The following ERAP1 variants were observed in gnomAD, a reference collection of about 807,000 sequenced individuals.
ERAP1 encodes adipocyte-derived leucine aminopeptidase.
A neutral mutation model predicts 103.7 loss-of-function variants in ERAP1; 86 were observed. The ratio of observed to expected loss-of-function variants is 0.83; its 90% CI spans 0.70 to 0.99. The LOEUF (loss-of-function observed/expected upper bound fraction) is 0.99. Among genes scored for constraint, ERAP1 ranks in the 50% least tolerant of loss-of-function variants. The pLI is 0.00. For synonymous variants in ERAP1, 398 were observed against 402.4 expected, an observed-to-expected ratio of 0.99 and a Z score of 0.13; for missense variants, 1,009 against 1,128.4, an observed-to-expected ratio of 0.89 and a Z score of 1.52.
the ERAP1 span, chr5:96,917,532 C>T: frequency 4.3e-6 from 7 of 1,613,792 alleles, no homozygotes; most frequent in Admixed American, 5.0e-5. Flanking sequence ...GTTCTGGAAA[C>T]GATAACCAAA....
chr5:96,840,521 A>G, the ERAP1 span, among the ~76,000 whole-genome samples: 1 of 152,342 alleles, frequency 6.6e-6, no homozygotes, highest in East Asian at 1.9e-4. Context: ...GTTCTAACCT[A>G]GCAACAAATG....
In ERAP1 at chr5:96,800,883, T is replaced by C. The variant is rs771977316; in HGVS notation, c.642A>G (p.Leu214=). 1.3e-5 allele frequency: 21 copies of C among 1,614,190 alleles called. No individual in the cohort carries two copies. In the East Asian group the frequency reaches 4.7e-4, roughly 36 times the overall value. The change falls in exon 3 of 19, where the codon CTA becomes CTG. Residue 214 remains leucine, a synonymous_variant. Coordinates refer to ENST00000443439, the MANE Select transcript of ERAP1 (RefSeq NM_001040458.3). ...SIKIRREPRH[L]AISNMPLVKS... is the part of the protein sequence containing the mutation. ...TCACCAATGGCATATTGGAGATGGC[T>C]AGGTGCCTTGGCTCTCTTCTAATTT...
the ERAP1 span, chr5:96,814,290 AAGTCAC>A: frequency 2.2e-6 from 1 of 456,188 alleles, no homozygotes; most frequent in Non-Finnish European, 4.4e-6. Context: ...GGTTAGAAGC[AAGTCAC>A]AGGTTTCTCT....
At chr5:96,907,548 G>A in the ERAP1 span, among the ~76,000 whole-genome samples, 3 of 151,180 alleles carry the variant, frequency 2.0e-5, no homozygotes, top group Admixed American at 2.0e-4. Flanking sequence ...TCACACAGGT[G>A]GGAAGGAGTA....
the ERAP1 span, chr5:96,903,320 G>T: frequency 7.5e-7 from 1 of 1,325,074 alleles, no homozygotes; most frequent in Non-Finnish European, 1.0e-6. Context: ...CAGTTCTGGA[G>T]ATGTTCTGAA....
chr5:96,829,751 T>C, the ERAP1 span, among the ~76,000 whole-genome samples: 1 of 152,234 alleles, frequency 6.6e-6, no homozygotes, highest in African/African-American at 2.4e-5. Flanking sequence ...TTTGAGTATA[T>C]AATTTATGCT....
intron 4 of ERAP1, among the ~76,000 whole-genome samples, chr5:96,795,388 TG>T (rs1175485586): frequency 1.3e-5 from 2 of 152,226 alleles, no homozygotes; most frequent in African/African-American, 4.8e-5. Flanking sequence ...TGTTCTTAAA[TG>T]TGTTTATAAG....
At chr5:96,817,769 T>TC in the ERAP1 span, among the ~76,000 whole-genome samples, 1 of 152,180 alleles carries the variant, frequency 6.6e-6, no homozygotes, top group Non-Finnish European at 1.5e-5. Context: ...CCACAATCTT[T>TC]CCCCACAAAA....
chr5:96,886,861 T>G, the ERAP1 span: 1 of 1,251,496 alleles, frequency 8.0e-7, no homozygotes, highest in Non-Finnish European at 1.0e-6. Context: ...TGTTTTCTCA[T>G]GTTTTTCATT....
chr5:96,915,530 T>G, the ERAP1 span, among the ~76,000 whole-genome samples: 4 of 152,332 alleles, frequency 2.6e-5, no homozygotes, highest in East Asian at 7.7e-4. Flanking sequence ...GCTTTAGAAT[T>G]GTACTGGATG....
At chr5:96,787,817 C>CATATATATATGTATATATACACAT in intron 11 of ERAP1, among the ~76,000 whole-genome samples, 1 of 147,752 alleles carries the variant, frequency 6.8e-6, no homozygotes, top group Non-Finnish European at 1.5e-5. Context: ...TATATATACA[C>CATATATATATGTATATATACACAT]ATATATATGT....
At chr5:96,782,612 A>G (rs1775377320) in intron 15 of ERAP1, among the ~76,000 whole-genome samples, 1 of 152,224 alleles carries the variant, frequency 6.6e-6, no homozygotes, top group Non-Finnish European at 1.5e-5. Flanking sequence ...AAATGTAAAA[A>G]GGACTGAAGT....
chr5:96,908,859 C>G, the ERAP1 span: 1 of 1,217,416 alleles, frequency 8.2e-7, no homozygotes, highest in South Asian at 1.6e-5. Flanking sequence ...GCTATAATGA[C>G]CTACTTCTGT....
At chr5:96,888,945 T>C in the ERAP1 span, among the ~76,000 whole-genome samples, 1 of 152,358 alleles carries the variant, frequency 6.6e-6, no homozygotes, top group Admixed American at 6.5e-5. Context: ...ATTTGAAAGT[T>C]ACAGATGAGC....
chr5:96,879,883 G>A, the ERAP1 span: 1 of 1,614,170 alleles, frequency 6.2e-7, no homozygotes, highest in Non-Finnish European at 8.5e-7. Context: ...CTTGGCAGGA[G>A]CTAAGGCTCC....
chr5:96,909,009 C>T, the ERAP1 span: 1 of 1,614,176 alleles, frequency 6.2e-7, no homozygotes, highest in Non-Finnish European at 8.5e-7. Context: ...CTTACTACCT[C>T]CAACATGAAA....
the ERAP1 span, among the ~76,000 whole-genome samples, chr5:96,831,854 T>G: frequency 7.2e-5 from 11 of 152,254 alleles, no homozygotes; most frequent in African/African-American, 2.7e-4. Flanking sequence ...TTGCAGACTT[T>G]GCTGCTGTGG....
chr5:96,909,617 G>A, the ERAP1 span: 62 of 1,614,158 alleles, frequency 3.8e-5, no homozygotes, highest in East Asian at 1.1e-3. Flanking sequence ...GTGATTGACA[G>A]GCAAAGCTGG....
the ERAP1 span, among the ~76,000 whole-genome samples, chr5:96,847,583 G>A: frequency 6.6e-6 from 1 of 152,074 alleles, no homozygotes; most frequent in Non-Finnish European, 1.5e-5. Context: ...CCACAATCTG[G>A]CATAATAAAT....
Sources: gnomAD v4.1 joint callset for allele counts (sites outside exome capture counted in the v4.1 genomes callset) on GRCh38, gnomAD v4.1.1 for gene constraint, MANE v1.5 for transcripts, NCBI Gene and HGNC (gene_info 2026-07-23, HGNC 2026-07-21) for gene names.